Variants in PKHD1 observed in about 807,000 individuals in gnomAD.
PKHD1 encodes the protein PKHD1 ciliary IPT domain containing fibrocystin/polyductin.
Under a neutral mutation model 412.0 loss-of-function variants are expected in PKHD1, and 291 were observed. The observed-to-expected ratio is 0.71, with a 90% confidence interval of 0.64 to 0.78. The LOEUF is 0.78. Among genes scored for constraint, PKHD1 ranks in the 30% least tolerant of loss-of-function variants. The probability of loss-of-function intolerance (pLI) is 0.00; values close to 1 mark genes in which losing one functional copy is unlikely to be tolerated. For synonymous variants in PKHD1, 1,777 were observed against 1,821.5 expected (o/e 0.98, Z 0.62); for missense variants, 4,825 against 4,950.7 (o/e 0.97, Z 0.76).
chr6:51,760,683 A>T (rs1787852400), intron 55 of PKHD1, among the ~76,000 whole-genome samples: 1 of 152,140 alleles, frequency 6.6e-6, no homozygotes, highest in African/African-American at 2.4e-5. Flanking sequence ...GATAGGAAAG[A>T]AAAAAGAAAC....
chr6:51,739,155 T>C (rs963986941), intron 60 of PKHD1, among the ~76,000 whole-genome samples: 1 of 148,630 alleles, frequency 6.7e-6, no homozygotes, highest in African/African-American at 2.4e-5. Flanking sequence ...TACACACATA[T>C]AAAATATACT....
intron 48 of PKHD1, among the ~76,000 whole-genome samples, chr6:51,862,612 G>A (rs1384728746): frequency 6.6e-6 from 1 of 152,126 alleles, no homozygotes; most frequent in Admixed American, 6.5e-5. Context: ...AGAGGCAGGG[G>A]GTGACTCGTA....
intron 56 of PKHD1, 38 bp downstream of exon 56, chr6:51,754,746 C>T (rs762871963): frequency 1.1e-5 from 17 of 1,591,468 alleles, no homozygotes; most frequent in Non-Finnish European, 8.6e-7. Flanking sequence ...GTCTTCCTAG[C>T]TCATTCACTT....
At chr6:52,050,726 G>A (rs544407132) in intron 21 of PKHD1, among the ~76,000 whole-genome samples, 1 of 152,278 alleles carries the variant, frequency 6.6e-6, no homozygotes, top group South Asian at 2.1e-4. Flanking sequence ...AGGGGCACTT[G>A]GGTGTTTATC....
chr6:52,022,710 G>C, intron 33 of PKHD1, 91 bp downstream of exon 33: 1 of 1,309,940 alleles, frequency 7.6e-7, no homozygotes, highest in Non-Finnish European at 1.1e-6. Flanking sequence ...TTAGTAGTCA[G>C]TACAGCATTA....
At chr6:51,976,677 C>T (rs745326748) in intron 35 of PKHD1, among the ~76,000 whole-genome samples, 8 of 152,168 alleles carry the variant, frequency 5.3e-5, no homozygotes, top group East Asian at 1.9e-4. Context: ...AGGCCAGGCA[C>T]GGTGGCTCAC....
At chr6:51,633,445 A>C (rs1246160914) in intron 64 of PKHD1, among the ~76,000 whole-genome samples, 1 of 152,188 alleles carries the variant, frequency 6.6e-6, no homozygotes, top group African/African-American at 2.4e-5. Flanking sequence ...TACATTGCAA[A>C]ACCCAGGAAC....
In PKHD1 at chr6:52,000,525, T is replaced by C. The variant is rs1431351300; in HGVS notation, c.5751+9784A>G. ...AAAAAAATAATTTCAATTTATGAAG[T>C]TGTACTTTAGAAGGAAATAAATAAT... On this transcript the variant is annotated intron_variant, in intron 35 of 66. Coordinates refer to ENST00000371117, the MANE Select transcript of PKHD1 (RefSeq NM_138694.4). 3.9e-5 allele frequency among the ~76,000 whole-genome samples: 6 copies of C among 152,200 alleles called. No homozygotes were observed. In the East Asian group the frequency reaches 1.2e-3, roughly 29 times the overall value.
intron 5 of PKHD1, among the ~76,000 whole-genome samples, chr6:52,078,378 G>A (rs1811605312): frequency 6.6e-6 from 1 of 152,128 alleles, no homozygotes; most frequent in African/African-American, 2.4e-5. Context: ...GAGGGGAGAG[G>A]AAATGCAGCA....
intron 53 of PKHD1, among the ~76,000 whole-genome samples, chr6:51,789,566 T>C (rs977739857): frequency 7.6e-6 from 1 of 131,784 alleles, no homozygotes. Flanking sequence ...TGTGTGCATG[T>C]GTATGTATGT....
chr6:51,775,159 G>C (rs1005834240), intron 54 of PKHD1, among the ~76,000 whole-genome samples: 2 of 151,514 alleles, frequency 1.3e-5, no homozygotes, highest in Non-Finnish European at 3.0e-5. Context: ...ATATAAGTAA[G>C]GGAAAAATAA....
intron 59 of PKHD1, among the ~76,000 whole-genome samples, chr6:51,745,412 T>C (rs528763735): frequency 6.6e-6 from 1 of 152,308 alleles, no homozygotes; most frequent in South Asian, 2.1e-4. Context: ...TCTTCTCCTA[T>C]GTGAGAACAC....
Position 51,945,978 on chromosome 6 carries a change from A to G in PKHD1, c.5909-11656T>C, listed in dbSNP as rs115602534. Among the ~76,000 whole-genome samples, 248 of 152,354 alleles carry G rather than the reference A, an allele frequency of 1.6e-3. 3 individuals are homozygous for G. Among genetic ancestry groups the G allele is most frequent in the African/African-American group, 5.4e-3 (226 of 41,574 alleles). The stretch of plus-strand genomic sequence containing the variant: ...AAGTTTGCCTATGGCTTGTTTATAC[A>G]TGATTTATTTTAATTTTGTTAATGA... On this transcript the variant is annotated intron_variant, in intron 36 of 66. Transcript: ENST00000371117.
chr6:51,912,221 T>A, intron 38 of PKHD1, 145 bp downstream of exon 38: 1 of 725,240 alleles, frequency 1.4e-6, no homozygotes, highest in South Asian at 1.5e-5. Context: ...CATTTCATGC[T>A]TTTTAATTTT....
rs938250048 is a variant in PKHD1 at position 52,020,262 on chromosome 6, C to T, written c.5380+2539G>A. Among the ~76,000 whole-genome samples, 7 of 152,126 alleles carry T rather than the reference C, an allele frequency of 4.6e-5. No individual in the cohort carries two copies. The East Asian group carries it at 7.7e-4, about 17-fold the overall frequency. On this transcript the variant is annotated intron_variant, in intron 33 of 66. Coordinates refer to ENST00000371117, the MANE Select transcript of PKHD1 (RefSeq NM_138694.4). ...TGCACAGCCATGGTAGAAATGCGTG[C>T]GTGCACACACACACCCCTTGGGATA...
rs182769762 is a variant in PKHD1, at chr6:51,672,092, A to G, written c.10157-12123T>C. On this transcript the variant is annotated intron_variant, in intron 60 of 66. Coordinates refer to ENST00000371117, the MANE Select transcript of PKHD1 (RefSeq NM_138694.4). ...TTTATTGGACTGTTACCCCAATCCTACATCTCTTATACCTTTCACTTTCTC... is the reference window on the plus strand; with the variant it reads ...TTTATTGGACTGTTACCCCAATCCTGCATCTCTTATACCTTTCACTTTCTC... Among the ~76,000 whole-genome samples, 214 of 152,286 alleles carry G rather than the reference A, an allele frequency of 1.4e-3. 4 individuals carry two copies. The highest frequency in any genetic ancestry group is 7.5e-4 in the Non-Finnish European group (51 of 68,014).
At chr6:51,826,748 A>AG (rs1767386896) in intron 52 of PKHD1, among the ~76,000 whole-genome samples, 1 of 152,174 alleles carries the variant, frequency 6.6e-6, no homozygotes, top group Non-Finnish European at 1.5e-5. Context: ...AATACCACAG[A>AG]GAAGAATTTA....
intron 60 of PKHD1, among the ~76,000 whole-genome samples, chr6:51,694,059 A>G (rs1444992299): frequency 6.6e-6 from 1 of 152,048 alleles, no homozygotes; most frequent in Non-Finnish European, 1.5e-5. Context: ...TAGGTACCCC[A>G]TTCCCGCCTC....
In PKHD1 at chr6:52,048,600, T is replaced by A. The variant is rs1218536244; in HGVS notation, c.2299A>T (p.Thr767Ser). The change falls in exon 23 of 67, where the codon ACA becomes TCA. Residue 767 changes from threonine (T) to serine (S), a missense_variant. Thr to Ser is a moderately conservative substitution (Grantham distance 58, BLOSUM62 1). Transcript: ENST00000371117. Reference protein sequence around the residue: ...ITARSVPTEGTEEGSGLVLVT... With the variant: ...ITARSVPTEGSEEGSGLVLVT... The stretch of plus-strand genomic sequence containing the variant: ...AGGACCAGTCCAGATCCCTCTTCTG[T>A]TCCTTCAGTGGGCACAGAGCTGTGG... 4 of 1,614,064 alleles carry A rather than the reference T, an allele frequency of 2.5e-6. No homozygotes were observed. The Admixed American group carries it at 5.0e-5, about 20-fold the overall frequency.
Sources: allele counts gnomAD v4.1 joint callset (sites outside exome capture counted in the v4.1 genomes callset), GRCh38; gene constraint gnomAD v4.1.1; transcripts MANE v1.5; gene names NCBI Gene and HGNC (gene_info 2026-07-23, HGNC 2026-07-21).